Variants in AGTPBP1 observed in about 807,000 individuals in gnomAD.
The protein encoded by AGTPBP1 is cytosolic carboxypeptidase 1.
Under a neutral mutation model 143.9 loss-of-function variants are expected in AGTPBP1, and 70 were observed. The observed-to-expected ratio is 0.49, with a 90% confidence interval of 0.40 to 0.59. AGTPBP1 has a LOEUF of 0.59. Among genes scored for constraint, AGTPBP1 ranks in the 20% least tolerant of loss-of-function variants. The pLI is 0.00. For missense variants in AGTPBP1, 1,229 were observed against 1,464.5 expected (o/e 0.84, Z 2.62); for synonymous variants, 463 against 500.2 (o/e 0.93, Z 0.99).
chr9:85,803,082 G>T, the AGTPBP1 span, among the ~76,000 whole-genome samples: 4 of 152,178 alleles, frequency 2.6e-5, no homozygotes, highest in Admixed American at 6.5e-5. Flanking sequence ...AACTGGAAGA[G>T]AACTACTTTC....
intron 23 of AGTPBP1, among the ~76,000 whole-genome samples, chr9:85,584,851 C>T (rs550556011): frequency 6.6e-6 from 1 of 152,252 alleles, no homozygotes; most frequent in African/African-American, 2.4e-5. Context: ...ATATAAAAGA[C>T]TTGACTAAAT....
chr9:85,704,380 G>GA (rs1015169526), intron 2 of AGTPBP1, among the ~76,000 whole-genome samples: 5 of 151,838 alleles, frequency 3.3e-5, no homozygotes, highest in African/African-American at 4.8e-5. Flanking sequence ...CCAAGACTAG[G>GA]AAAAAAAATC....
intron 2 of AGTPBP1, among the ~76,000 whole-genome samples, chr9:85,699,418 C>A (rs554671277): frequency 2.6e-5 from 4 of 152,192 alleles, no homozygotes; most frequent in Admixed American, 2.0e-4. Flanking sequence ...TTGAATATGG[C>A]AAAAGTCCCA....
chr9:85,676,900 T>C (rs896288040), intron 6 of AGTPBP1, among the ~76,000 whole-genome samples: 10 of 152,174 alleles, frequency 6.6e-5, no homozygotes, highest in African/African-American at 2.2e-4. Context: ...TGGATGGAAC[T>C]GGAGGACATT....
intron 6 of AGTPBP1, among the ~76,000 whole-genome samples, chr9:85,673,897 G>T (rs1834650118): frequency 6.6e-6 from 1 of 151,938 alleles, no homozygotes; most frequent in South Asian, 2.1e-4. Flanking sequence ...GAGGTGGGTG[G>T]ATCATGAGGT....
chr9:85,778,054 G>T, the AGTPBP1 span, among the ~76,000 whole-genome samples: 3 of 152,204 alleles, frequency 2.0e-5, no homozygotes. Flanking sequence ...GAGGCCATCG[G>T]TGCAGGCTGG....
At chr9:85,594,608 T>A (rs1564044367) in intron 18 of AGTPBP1, among the ~76,000 whole-genome samples, 1 of 151,950 alleles carries the variant, frequency 6.6e-6, no homozygotes, top group Non-Finnish European at 1.5e-5. Context: ...AATTAAAATT[T>A]AAATAAATAA....
At chr9:85,704,623 AACTTAACTGCATCCC>A (rs1214072092) in intron 2 of AGTPBP1, among the ~76,000 whole-genome samples, 1 of 152,184 alleles carries the variant, frequency 6.6e-6, no homozygotes, top group African/African-American at 2.4e-5. Flanking sequence ...TTTTTGAAGT[AACTTAACTGCATCCC>A]AGAATAAGGC....
chr9:85,802,477 T>G, the AGTPBP1 span, among the ~76,000 whole-genome samples: 1 of 152,070 alleles, frequency 6.6e-6, no homozygotes, highest in Admixed American at 6.6e-5. Context: ...TATAAATTCA[T>G]GACCACTTAT....
chr9:85,746,998 C>T (rs1343380680), upstream of AGTPBP1, among the ~76,000 whole-genome samples: 6 of 152,008 alleles, frequency 3.9e-5, no homozygotes, highest in East Asian at 5.8e-4. Flanking sequence ...GGACGACAGA[C>T]GCATACCACC....
intron 1 of AGTPBP1, among the ~76,000 whole-genome samples, chr9:85,723,755 G>A (rs958646051): frequency 1.3e-5 from 2 of 152,086 alleles, no homozygotes; most frequent in African/African-American, 2.4e-5. Context: ...GAAATCACCC[G>A]TCTTCTCCAT....
intron 17 of AGTPBP1, among the ~76,000 whole-genome samples, chr9:85,599,598 T>C (rs1021861694): frequency 1.3e-5 from 2 of 152,216 alleles, no homozygotes; most frequent in African/African-American, 4.8e-5. Context: ...CCTTAGAATA[T>C]TTTTGGTTAA....
chr9:85,709,273 T>G (rs1384065482), intron 2 of AGTPBP1, among the ~76,000 whole-genome samples: 2 of 152,176 alleles, frequency 1.3e-5, no homozygotes, highest in Admixed American at 6.6e-5. Context: ...AATCAGACAT[T>G]CATACTGGAT....
intron 13 of AGTPBP1, among the ~76,000 whole-genome samples, chr9:85,634,895 C>A (rs923002098): frequency 6.6e-6 from 1 of 152,134 alleles, no homozygotes; most frequent in East Asian, 1.9e-4. Context: ...AGTAACTATA[C>A]ATAAGAGTAT....
chr9:85,564,250 G>A (rs1257861073), intron 25 of AGTPBP1, among the ~76,000 whole-genome samples: 4 of 152,268 alleles, frequency 2.6e-5, no homozygotes, highest in East Asian at 1.9e-4. Flanking sequence ...AGCAGAGAAT[G>A]CAGCTAAAGA....
rs549638941 is a variant in AGTPBP1, at chr9:85,666,265, T to C, written c.662+3220A>G. 3.9e-5 allele frequency among the ~76,000 whole-genome samples: 6 copies of C among 152,192 alleles called. No individual in the cohort carries two copies. The South Asian group carries it at 1.2e-3, about 32-fold the overall frequency. On this transcript the variant is annotated intron_variant, in intron 8 of 25. Transcript: ENST00000357081. Reference sequence around the variant, plus strand: ...GATACAGTTAAAATAACCTCCTGAGTTGCTTCCTTCTAGATTAACAGTTTT... The same window carrying C: ...GATACAGTTAAAATAACCTCCTGAGCTGCTTCCTTCTAGATTAACAGTTTT...
intron 2 of AGTPBP1, among the ~76,000 whole-genome samples, chr9:85,700,038 C>T (rs1428745495): frequency 6.6e-6 from 1 of 152,214 alleles, no homozygotes; most frequent in Non-Finnish European, 1.5e-5. Flanking sequence ...CTCATACCTA[C>T]TTCTGTATTC....
At chr9:85,653,845 TGTAAAAGTCTGTCG>T (rs1833321785) in intron 11 of AGTPBP1, among the ~76,000 whole-genome samples, 1 of 152,230 alleles carries the variant, frequency 6.6e-6, no homozygotes, top group African/African-American at 2.4e-5. Flanking sequence ...GATTTTCTCC[TGTAAAAGTCTGTCG>T]GTAATTTCAA....
rs575759025 is a variant in AGTPBP1, at chr9:85,651,285, A to G, written c.1087+3858T>C. ...GCCACCCATGTATTTCTATGGGTCA[A>G]TGGACTCCTGTTTAAGGATCTCTGT... is the stretch of plus-strand genomic sequence containing the variant. On this transcript the variant is annotated intron_variant, in intron 11 of 25. Coordinates refer to ENST00000357081, the MANE Select transcript of AGTPBP1 (RefSeq NM_001330701.2). Among the ~76,000 whole-genome samples the G allele has an allele frequency of 4.5e-4, 69 of 152,304 alleles. 1 individual carries two copies. Among genetic ancestry groups the G allele is most frequent in the Admixed American group, 2.0e-4 (3 of 15,298 alleles).
Sources: gnomAD v4.1 joint callset for allele counts (sites outside exome capture counted in the v4.1 genomes callset) on GRCh38, gnomAD v4.1.1 for gene constraint, MANE v1.5 for transcripts, NCBI Gene and HGNC (gene_info 2026-07-23, HGNC 2026-07-21) for gene names.